Variants in PALS1 observed in about 807,000 individuals in gnomAD.
PALS1 encodes the protein protein associated with LIN7 1, MAGUK p55 family member, also known as protein PALS1.
PALS1 carries 31 observed loss-of-function variants against 78.9 expected under a neutral mutation model. The ratio of observed to expected loss-of-function variants is 0.39; its 90% CI spans 0.30 to 0.53. The LOEUF (loss-of-function observed/expected upper bound fraction) is 0.53. PALS1 is among the 20% of genes least tolerant of loss of function. The pLI is 0.67. For missense variants in PALS1, 704 were observed against 826.5 expected (o/e 0.85, Z 1.82); for synonymous variants, 276 against 270.9 (o/e 1.02, Z -0.18).
At chr14:67,254,283 G>A (rs1364485076) in intron 1 of PALS1, 2 of 150,126 alleles carry the variant, frequency 1.3e-5, no homozygotes, top group African/African-American at 2.5e-5. Context: ...TTGGTACCAA[G>A]TGGGTACTCG....
intron 9 of PALS1, among the ~76,000 whole-genome samples, chr14:67,314,681 T>C (rs1256877796): frequency 3.3e-5 from 5 of 152,250 alleles, no homozygotes; most frequent in Non-Finnish European, 4.4e-5. Context: ...GATAGATTGA[T>C]TTTCTGAAAG....
chr14:67,243,785 C>T (rs1169895182), intron 1 of PALS1, among the ~76,000 whole-genome samples: 1 of 152,168 alleles, frequency 6.6e-6, no homozygotes, highest in Non-Finnish European at 1.5e-5. Context: ...CGTGAGCCAC[C>T]GCGCCCAGCC....
intron 4 of PALS1, among the ~76,000 whole-genome samples, chr14:67,295,472 G>GGAAT (rs962053592): frequency 2.0e-5 from 3 of 150,050 alleles, no homozygotes; most frequent in African/African-American, 7.4e-5. Context: ...TCTGGGCGAC[G>GGAAT]GAGTGAGACC....
intron 1 of PALS1, among the ~76,000 whole-genome samples, chr14:67,254,643 C>G (rs1444146064): frequency 6.6e-6 from 1 of 152,092 alleles, no homozygotes; most frequent in Non-Finnish European, 1.5e-5. Flanking sequence ...TAGATAGCAC[C>G]AGATATGAGT....
In PALS1 at chr14:67,269,732, G is replaced by A. The variant is rs558335127; in HGVS notation, c.-205G>A. On this transcript the variant is annotated 5_prime_UTR_variant, in exon 2 of 15. Coordinates refer to ENST00000261681, the MANE Select transcript of PALS1 (RefSeq NM_022474.4). ...AAAGCCTTGAGTTTTGTGAAAAACC[G>A]GAGAAGAGAAACTAAAAGGACAGTA... is the stretch of plus-strand genomic sequence containing the variant. The A allele has an allele frequency of 5.9e-5, 9 of 152,616 alleles. No homozygotes were observed. Among genetic ancestry groups the A allele is most frequent in the African/African-American group, 9.6e-5 (4 of 41,490 alleles). The allele number at this position is 152,616 out of a possible 1,614,324, so 9.5% of individuals were successfully genotyped here.
chr14:67,282,237 A>G (rs2084617453), intron 3 of PALS1, among the ~76,000 whole-genome samples: 1 of 152,126 alleles, frequency 6.6e-6, no homozygotes, highest in Non-Finnish European at 1.5e-5. Context: ...AACACATCAA[A>G]CTGTAAGAGA....
Position 67,327,710 on chromosome 14 carries a change from G to C in PALS1, c.1851+3898G>C, listed in dbSNP as rs140581082. Among the ~76,000 whole-genome samples, 705 of 151,786 alleles carry C rather than the reference G, an allele frequency of 4.6e-3. 5 individuals are homozygous for C. Among genetic ancestry groups the C allele is most frequent in the African/African-American group, 0.016 (672 of 41,368 alleles). On this transcript the variant is annotated intron_variant, in intron 14 of 14. Transcript: ENST00000261681. ...TGTGTCCTGGTGTTCTCATTGTTCA[G>C]TTCCCACTTATGAGTGAGAACATGC...
intron 1 of PALS1, among the ~76,000 whole-genome samples, chr14:67,264,483 T>C (rs1215389732): frequency 6.6e-6 from 1 of 152,198 alleles, no homozygotes; most frequent in Non-Finnish European, 1.5e-5. Context: ...TGTGTTTTCT[T>C]GTAGCAGTTT....
intron 14 of PALS1, among the ~76,000 whole-genome samples, chr14:67,328,728 A>G (rs1459513685): frequency 2.0e-5 from 3 of 152,184 alleles, no homozygotes; most frequent in Admixed American, 2.0e-4. Flanking sequence ...CATTTATTAA[A>G]TAGGGCATCC....
Position 67,252,034 on chromosome 14 carries a change from A to G in PALS1, c.-237+10501A>G, listed in dbSNP as rs115586183. ...GCTGGGAGGCTGGTTTGACTGGAGA[A>G]GGCATGGAAGCTCCACACCACCCGC... On this transcript the variant is annotated intron_variant, in intron 1 of 14. Transcript: ENST00000261681. 1.1e-3 allele frequency among the ~76,000 whole-genome samples: 173 copies of G among 152,286 alleles called. 1 individual carries two copies. The highest frequency in any genetic ancestry group is 4.0e-3 in the African/African-American group (167 of 41,562).
intron 1 of PALS1, among the ~76,000 whole-genome samples, chr14:67,262,704 C>T (rs117003957): frequency 0.019 from 2,874 of 152,232 alleles, 37 homozygotes; most frequent in Middle Eastern, 0.034. Flanking sequence ...AACCTTTAGT[C>T]TCCCATTATT....
Position 67,306,709 on chromosome 14 carries a change from T to A in PALS1, c.1041+3110T>A, listed in dbSNP as rs558379614. The stretch of plus-strand genomic sequence containing the variant: ...TATTATGAATAACTCTCAATTGCAA[T>A]ATATCTTGCCAAGTTTTGTCAGACC... On this transcript the variant is annotated intron_variant, in intron 8 of 14. Coordinates refer to ENST00000261681, the MANE Select transcript of PALS1 (RefSeq NM_022474.4). Among the ~76,000 whole-genome samples, 10 of 152,228 alleles carry A rather than the reference T, an allele frequency of 6.6e-5. No individual in the cohort carries two copies. The East Asian group carries it at 1.9e-3, about 29-fold the overall frequency.
At chr14:67,324,057 G>A (rs1206377532) in intron 14 of PALS1, among the ~76,000 whole-genome samples, 3 of 152,166 alleles carry the variant, frequency 2.0e-5, no homozygotes, top group African/African-American at 7.2e-5. Context: ...GACATTTCTA[G>A]GGAGATGTGA....
intron 2 of PALS1, chr14:67,270,058 C>T (rs975110741): frequency 2.6e-5 from 4 of 152,152 alleles, no homozygotes; most frequent in East Asian, 1.9e-4. Context: ...AATTAAGATA[C>T]TGGTAATATA....
At chr14:67,277,139 A>G (rs1214486549) in intron 2 of PALS1, among the ~76,000 whole-genome samples, 1 of 152,236 alleles carries the variant, frequency 6.6e-6, no homozygotes, top group Non-Finnish European at 1.5e-5. Flanking sequence ...TTGCATTTGC[A>G]TATAATCAAT....
chr14:67,255,769 C>T (rs1038440977), intron 1 of PALS1, among the ~76,000 whole-genome samples: 5 of 152,180 alleles, frequency 3.3e-5, no homozygotes, highest in African/African-American at 1.2e-4. Flanking sequence ...CAACCTCTGC[C>T]CCTACCCACC....
At chr14:67,269,502 CA>C (rs2084379313) in intron 1 of PALS1, among the ~76,000 whole-genome samples, 198 bp from the exon 2 acceptor site, 1 of 152,094 alleles carries the variant, frequency 6.6e-6, no homozygotes, top group South Asian at 2.1e-4. Flanking sequence ...CACTAATATA[CA>C]ACAACATAAA....
chr14:67,258,698 A>T (rs2084182833), intron 1 of PALS1, among the ~76,000 whole-genome samples: 5 of 152,198 alleles, frequency 3.3e-5, no homozygotes. Context: ...CTGGGATTAC[A>T]GGCATGAGCC....
In PALS1 at chr14:67,301,969, C is replaced by A; in HGVS notation, c.655-3C>A. 6.3e-7 allele frequency: 1 copy of A among 1,580,214 alleles called. No individual in the cohort carries two copies. Among genetic ancestry groups the A allele is most frequent in the Non-Finnish European group, 8.6e-7 (1 of 1,168,016 alleles). On this transcript the variant is annotated splice_polypyrimidine_tract_variant and splice_region_variant and intron_variant, in intron 5 of 14. Transcript: ENST00000261681. ...TAAAATGCCATGGATTTCTTTGAAA[C>A]AGGCACTTTTACTGGCCCACGATAA...
Sources: allele counts gnomAD v4.1 joint callset (sites outside exome capture counted in the v4.1 genomes callset), GRCh38; gene constraint gnomAD v4.1.1; transcripts MANE v1.5; gene names NCBI Gene and HGNC (gene_info 2026-07-23, HGNC 2026-07-21).